Variants in RIPOR2 observed in about 807,000 individuals in gnomAD.
RIPOR2 encodes the protein rho family-interacting cell polarization regulator 2.
In RIPOR2, 39 loss-of-function variants were observed where a neutral mutation model predicts 114.5. The ratio of observed to expected loss-of-function variants is 0.34; its 90% confidence interval spans 0.26 to 0.44. RIPOR2 has a LOEUF of 0.44. Ranked by LOEUF, RIPOR2 falls within the 20% of genes least tolerant of loss-of-function variation. The pLI is 1.00. For missense variants in RIPOR2, 1,007 were observed against 1,255.1 expected (o/e 0.80, Z 2.99); for synonymous variants, 445 against 484.4 (o/e 0.92, Z 1.07).
chr6:24,994,100 G>GAC (rs1774946932), intron 1 of RIPOR2, among the ~76,000 whole-genome samples: 4 of 152,264 alleles, frequency 2.6e-5, no homozygotes, highest in African/African-American at 9.6e-5. Context: ...ACAAAGGTAT[G>GAC]ACACACAGTA....
chr6:24,935,939 C>G lies in RIPOR2; in HGVS notation c.-41G>C, dbSNP rs184383501. 6 of 1,480,974 alleles carry G rather than the reference C, an allele frequency of 4.1e-6. No homozygotes were observed. Among genetic ancestry groups the G allele is most frequent in the South Asian group, 1.2e-5 (1 of 82,856 alleles). The allele number at this position is 1,480,974 out of a possible 1,614,324, so 91.7% of individuals were successfully genotyped here. A position where few individuals can be genotyped will look rare whatever the true frequency, so the allele number is the denominator to read the frequency against. On this transcript the variant is annotated 5_prime_UTR_variant, in exon 1 of 22. Coordinates refer to ENST00000643898, the MANE Select transcript of RIPOR2 (RefSeq NM_001286445.3). ...CGCGAGAAGCAGCAGGCAGCAGCCC[C>G]GGCAGTCTCAGCAGTCACACTGCCG... is the stretch of plus-strand genomic sequence containing the variant.
chr6:25,005,738 T>TACACAC (rs1554130559), intron 1 of RIPOR2, among the ~76,000 whole-genome samples: 10 of 70,700 alleles, frequency 1.4e-4, no homozygotes, highest in Non-Finnish European at 2.3e-4. Context: ...TATATATATA[T>TACACAC]ATACATTTAC....
At position 24,921,352 on chromosome 6, in the gene RIPOR2, C is replaced by T. The variant is rs117592520; in HGVS notation, c.61+14486G>A. Among the ~76,000 whole-genome samples, 510 of 150,746 alleles carry T rather than the reference C, an allele frequency of 3.4e-3. 13 individuals are homozygous for T. The highest frequency in any genetic ancestry group is 0.024 in the East Asian group (126 of 5,144). ...TATTTTTTTTTTTTTTTAGTAGAGA[C>T]GCTGTTTCACTATGTTGGCCAGGCC... On this transcript the variant is annotated intron_variant, in intron 1 of 21. Transcript: ENST00000643898.
At chr6:24,958,422 T>C (rs1165607147) in intron 1 of RIPOR2, among the ~76,000 whole-genome samples, 1 of 152,188 alleles carries the variant, frequency 6.6e-6, no homozygotes, top group African/African-American at 2.4e-5. Flanking sequence ...AATAAACCTC[T>C]CTGAAAATCA....
chr6:24,946,379 G>A (rs906642679), intron 1 of RIPOR2, among the ~76,000 whole-genome samples: 2 of 151,966 alleles, frequency 1.3e-5, no homozygotes, highest in African/African-American at 4.8e-5. Context: ...CCTGCCAACC[G>A]TCTCATTTTT....
rs59559836 is a variant in RIPOR2 at position 24,811,228 on chromosome 6, C to CT, written c.2953-1422dup. Among the ~76,000 whole-genome samples the CT allele has an allele frequency of 2.8e-3, 263 of 93,788 alleles. 18 individuals are homozygous for CT. Among genetic ancestry groups the CT allele is most frequent in the African/African-American group, 7.9e-3 (197 of 24,884 alleles). The allele number at this position is 93,788 out of a possible 152,430, so 61.5% of individuals were successfully genotyped here. ...TTCTAAGGTGTGGCCTTCTCTCATT[C>CT]TTTTTTTTTTTTTTTTTTTTTTTTT... On this transcript the variant is annotated intron_variant, in intron 20 of 21. Transcript: ENST00000643898.
intron 13 of RIPOR2, among the ~76,000 whole-genome samples, chr6:24,842,434 C>T (rs1001417804): frequency 6.6e-6 from 1 of 152,130 alleles, no homozygotes; most frequent in Non-Finnish European, 1.5e-5. Flanking sequence ...TAGTCTCCTC[C>T]AGCAGGCAGT....
intron 1 of RIPOR2, among the ~76,000 whole-genome samples, chr6:24,952,673 C>T (rs1387714907): frequency 2.6e-5 from 4 of 152,126 alleles, no homozygotes; most frequent in Non-Finnish European, 5.9e-5. Context: ...TTTAATTGCA[C>T]ACTTATATAA....
At chr6:24,861,821 A>G (rs1187662693) in intron 7 of RIPOR2, among the ~76,000 whole-genome samples, 1 of 152,228 alleles carries the variant, frequency 6.6e-6, no homozygotes. Context: ...GAAAGCAAAT[A>G]TGGCCAAATA....
chr6:24,893,192 T>C (rs1022973074), intron 1 of RIPOR2, among the ~76,000 whole-genome samples: 10 of 152,242 alleles, frequency 6.6e-5, no homozygotes, highest in Non-Finnish European at 1.5e-4. Flanking sequence ...TTTTTGTAAC[T>C]GGGTGATGGA....
rs571532294 is a variant in RIPOR2 at position 24,999,686 on chromosome 6, G to C, written c.76+42165C>G. Among the ~76,000 whole-genome samples the C allele has an allele frequency of 4.0e-5, 6 of 151,712 alleles. No homozygotes were observed. The South Asian group carries it at 1.3e-3, about 32-fold the overall frequency. ...TTCTCCTGCCTCAGCCTCCCAAGTA[G>C]CTGGGACTACAGGCGCCCACCACCA... On this transcript the variant is annotated intron_variant, in intron 1 of 13. Transcript: ENST00000510784.
At chr6:25,029,769 A>T (rs1776829916) in intron 1 of RIPOR2, among the ~76,000 whole-genome samples, 1 of 152,226 alleles carries the variant, frequency 6.6e-6, no homozygotes, top group Non-Finnish European at 1.5e-5. Flanking sequence ...AATAGAAGAA[A>T]ATTGATTTTT....
intron 1 of RIPOR2, among the ~76,000 whole-genome samples, chr6:24,974,616 A>G (rs1197231962): frequency 6.6e-6 from 1 of 152,202 alleles, no homozygotes; most frequent in Admixed American, 6.5e-5. Context: ...AGTTCCTCAA[A>G]AGGTACCATA....
intron 1 of RIPOR2, among the ~76,000 whole-genome samples, chr6:24,906,267 G>A (rs534238844): frequency 6.6e-6 from 1 of 152,314 alleles, no homozygotes; most frequent in African/African-American, 2.4e-5. Flanking sequence ...CAGCATGCAA[G>A]TCCCAAGGAT....
chr6:24,900,804 T>A (rs73400435), intron 1 of RIPOR2, among the ~76,000 whole-genome samples: 4,144 of 152,304 alleles, frequency 0.027, 151 homozygotes, highest in African/African-American at 0.087. Context: ...TATCTGTGAT[T>A]CAGAATTTGC....
At chr6:24,903,904 C>A (rs766721357) in intron 1 of RIPOR2, among the ~76,000 whole-genome samples, 4 of 152,228 alleles carry the variant, frequency 2.6e-5, no homozygotes, top group African/African-American at 7.2e-5. Context: ...AGCAGCTCCC[C>A]GATTTCCTCA....
chr6:25,002,964 G>A (rs1292628522), intron 1 of RIPOR2, among the ~76,000 whole-genome samples: 1 of 152,212 alleles, frequency 6.6e-6, no homozygotes, highest in African/African-American at 2.4e-5. Context: ...TTTAAGACAA[G>A]TTCATAAGGG....
chr6:24,832,985 G>A (rs1472089899), intron 15 of RIPOR2, among the ~76,000 whole-genome samples: 1 of 152,186 alleles, frequency 6.6e-6, no homozygotes, highest in Non-Finnish European at 1.5e-5. Flanking sequence ...TTTTACTGAT[G>A]AGAAAATTGA....
intron 1 of RIPOR2, among the ~76,000 whole-genome samples, chr6:24,918,966 C>T (rs1198065346): frequency 1.3e-5 from 2 of 152,190 alleles, no homozygotes; most frequent in Non-Finnish European, 2.9e-5. Context: ...TCACAGCCTG[C>T]ACCTCCCCCA....
Sources: allele counts gnomAD v4.1 joint callset (sites outside exome capture counted in the v4.1 genomes callset), GRCh38; gene constraint gnomAD v4.1.1; transcripts MANE v1.5; gene names NCBI Gene and HGNC (gene_info 2026-07-23, HGNC 2026-07-21).